The following CCDC141 variants were observed in gnomAD, a reference collection of about 807,000 sequenced individuals.
The protein encoded by CCDC141 is coiled-coil domain-containing protein 141.
A neutral mutation model predicts 181.0 loss-of-function variants in CCDC141; 168 were observed. The observed-to-expected ratio is 0.93, with a 90% CI of 0.82 to 1.05. The LOEUF (loss-of-function observed/expected upper bound fraction) is 1.05, where lower values mean the gene tolerates loss of function less well. Among genes scored for constraint, CCDC141 ranks in the 50% least tolerant of loss-of-function variants. The pLI is 0.00. For synonymous variants in CCDC141, 666 were observed against 642.3 expected (o/e 1.04, Z -0.56); for missense variants, 1,902 against 1,788.5 (o/e 1.06, Z -1.14).
intron 18 of CCDC141, among the ~76,000 whole-genome samples, chr2:178,855,752 G>A (rs1340539995): frequency 1.3e-5 from 2 of 152,142 alleles, no homozygotes; most frequent in Admixed American, 6.5e-5. Context: ...ATGTACACAG[G>A]TGTATTCCAG....
chr2:178,987,710 A>G (rs371443544), intron 2 of CCDC141, among the ~76,000 whole-genome samples: 5,451 of 150,360 alleles, frequency 0.036, 82 homozygotes, highest in Middle Eastern at 0.055. Flanking sequence ...CAAAAAACAC[A>G]TGAAAAAATG....
chr2:178,952,952 C>T (rs1310210151), intron 5 of CCDC141, among the ~76,000 whole-genome samples: 1 of 152,148 alleles, frequency 6.6e-6, no homozygotes, highest in Non-Finnish European at 1.5e-5. Flanking sequence ...ATTTTTAATG[C>T]AATCACTACA....
At chr2:178,878,241 A>T in intron 11 of CCDC141, 98 bp from the exon 12 acceptor site, 1 of 495,750 alleles carries the variant, frequency 2.0e-6, no homozygotes. Context: ...ACCTAAAACT[A>T]CATTTTCTGA....
intron 15 of CCDC141, 140 bp downstream of exon 15, chr2:178,868,977 G>C (rs571988887): frequency 2.0e-6 from 1 of 512,262 alleles, no homozygotes; most frequent in African/African-American, 2.0e-5. Context: ...GGAACATAGT[G>C]AGAGAAAAGA....
At chr2:178,875,933 T>C (rs558497209) in intron 12 of CCDC141, 7 of 152,300 alleles carry the variant, frequency 4.6e-5, no homozygotes, top group African/African-American at 1.7e-4. Context: ...AGATAATACA[T>C]GTTCTAAATG....
chr2:178,981,983 T>C (rs1234618614), intron 2 of CCDC141, among the ~76,000 whole-genome samples: 1 of 151,902 alleles, frequency 6.6e-6, no homozygotes, highest in East Asian at 1.9e-4. Flanking sequence ...ATCCCATGGA[T>C]ATTAAAAGGA....
chr2:178,926,529 G>C (rs1224373268), intron 6 of CCDC141: 1 of 152,152 alleles, frequency 6.6e-6, no homozygotes, highest in Non-Finnish European at 1.5e-5. Context: ...CGCCTTGAAT[G>C]ATTGTTACAC....
chr2:178,891,945 A>G (rs369613271), intron 8 of CCDC141, among the ~76,000 whole-genome samples: 3 of 152,164 alleles, frequency 2.0e-5, no homozygotes, highest in African/African-American at 7.2e-5. Flanking sequence ...ACATAGCCTT[A>G]TAAGTAGTAG....
In CCDC141 at chr2:178,849,929, A is replaced by C. The variant is rs1685092979; in HGVS notation, c.3357+120T>G. 1.2e-5 allele frequency: 7 copies of C among 600,990 alleles called. 1 individual carries two copies. The highest frequency in any genetic ancestry group is 1.8e-5 in the Non-Finnish European group (6 of 339,060). The allele number at this position is 600,990 out of a possible 1,614,324, so 37.2% of individuals were successfully genotyped here. On this transcript the variant is annotated intron_variant, in intron 21 of 23. Transcript: ENST00000443758. ...AATTATGTTTGAAAGCTGTAAAACA[A>C]ATGTGCACATTATGTACCCTGAGAA...
intron 5 of CCDC141, among the ~76,000 whole-genome samples, chr2:178,958,839 T>C (rs1013406937): frequency 3.6e-4 from 55 of 151,848 alleles, no homozygotes; most frequent in Admixed American, 2.0e-4. Flanking sequence ...TTTCTTACTC[T>C]TGGGAAAACT....
chr2:178,986,431 A>G (rs980763261), intron 2 of CCDC141, among the ~76,000 whole-genome samples: 5 of 152,104 alleles, frequency 3.3e-5, no homozygotes, highest in African/African-American at 1.2e-4. Flanking sequence ...CTCTGTCACC[A>G]CTCCTATTCA....
At chr2:178,884,369 T>C (rs1267800420) in intron 11 of CCDC141, among the ~76,000 whole-genome samples, 1 of 152,206 alleles carries the variant, frequency 6.6e-6, no homozygotes, top group African/African-American at 2.4e-5. Context: ...ACTGTAATTT[T>C]ACAGCTTTAT....
intron 6 of CCDC141, among the ~76,000 whole-genome samples, chr2:178,920,695 TACACACACAC>T (rs59015092): frequency 7.5e-5 from 11 of 146,770 alleles, no homozygotes; most frequent in South Asian, 2.2e-4. Flanking sequence ...CTGAACTCCA[TACACACACAC>T]ACACACACAC....
At chr2:178,981,655 T>TACATATATATATATATAC (rs1553495368) in intron 2 of CCDC141, among the ~76,000 whole-genome samples, 1 of 136,438 alleles carries the variant, frequency 7.3e-6, no homozygotes, top group African/African-American at 2.8e-5. Context: ...TATATATATA[T>TACATATATATATATATAC]ATACATACAT....
intron 5 of CCDC141, among the ~76,000 whole-genome samples, chr2:178,959,085 C>A (rs977454554): frequency 2.0e-5 from 3 of 148,794 alleles, no homozygotes; most frequent in Non-Finnish European, 4.4e-5. Context: ...TAGGTGGGAA[C>A]TGAACAATGA....
intron 16 of CCDC141, among the ~76,000 whole-genome samples, chr2:178,866,936 G>C (rs1228292191): frequency 6.6e-6 from 1 of 152,172 alleles, no homozygotes. Context: ...ATGTTGGCCA[G>C]GCTGGACTTG....
At chr2:179,015,983 G>A (rs1002184565) in intron 2 of CCDC141, among the ~76,000 whole-genome samples, 22 of 135,464 alleles carry the variant, frequency 1.6e-4, no homozygotes, top group African/African-American at 5.3e-4. Flanking sequence ...TCTCATATAT[G>A]TATGATATAT....
intron 2 of CCDC141, among the ~76,000 whole-genome samples, chr2:179,018,860 G>A (rs1442848435): frequency 6.6e-6 from 1 of 151,828 alleles, no homozygotes; most frequent in African/African-American, 2.4e-5. Flanking sequence ...TAGTGAAAAA[G>A]GTAAGTAGCA....
At chr2:178,949,236 T>C (rs2154377721) in intron 5 of CCDC141, among the ~76,000 whole-genome samples, 1 of 152,260 alleles carries the variant, frequency 6.6e-6, no homozygotes, top group East Asian at 1.9e-4. Context: ...TGCTGGTAGA[T>C]AAGAATGAAG....
Sources: allele counts gnomAD v4.1 joint callset (sites outside exome capture counted in the v4.1 genomes callset), GRCh38; gene constraint gnomAD v4.1.1; transcripts MANE v1.5; gene names NCBI Gene and HGNC (gene_info 2026-07-23, HGNC 2026-07-21).